Variants in ACSBG1 observed in about 807,000 individuals in gnomAD.
ACSBG1 encodes the protein long-chain-fatty-acid--CoA ligase ACSBG1.
A neutral mutation model predicts 80.2 loss-of-function variants in ACSBG1; 39 were observed. The observed-to-expected ratio is 0.49, with a 90% CI of 0.38 to 0.64. The LOEUF is 0.64. Ranked by LOEUF, ACSBG1 falls within the 30% of genes least tolerant of loss-of-function variation. The pLI, the probability that ACSBG1 is intolerant of heterozygous loss-of-function variation, is 0.00. For synonymous variants in ACSBG1, 392 were observed against 379.5 expected (o/e 1.03, Z -0.38); for missense variants, 828 against 966.4 (o/e 0.86, Z 1.90).
Position 78,182,625 on chromosome 15 carries a change from G to C in ACSBG1, c.745-10C>G. The C allele has an allele frequency of 6.2e-7, 1 of 1,613,928 alleles. No individual in the cohort carries two copies. The highest frequency in any genetic ancestry group is 8.5e-7 in the Non-Finnish European group (1 of 1,179,840). On this transcript the variant is annotated splice_polypyrimidine_tract_variant and intron_variant, in intron 6 of 13. Coordinates refer to ENST00000258873, the MANE Select transcript of ACSBG1 (RefSeq NM_015162.5). ...CCATGAATTCCTCCATCTGTAGCCA[G>C]ATGCAGGGAGCAGGCAGGCTAGGTC...
rs1482451363 is a variant in ACSBG1 at position 78,178,149 on chromosome 15, A to G, written c.1702+465T>C. 6.6e-6 allele frequency among the ~76,000 whole-genome samples: 1 copy of G among 152,142 alleles called. No individual in the cohort carries two copies. The highest frequency in any genetic ancestry group is 2.4e-5 in the African/African-American group (1 of 41,418). ...TAAGGTTAATAAGTACCTGCCCCAT[A>G]GGAGAGTGGAGTAAATAAAACGATG... On this transcript the variant is annotated intron_variant, in intron 11 of 13. Transcript: ENST00000258873. This position sits in a 1 kb window ranked among gnomAD's most constrained non-coding sequence, Gnocchi z 4.3.
At chr15:78,196,166 A>C (rs894299) in intron 2 of ACSBG1, among the ~76,000 whole-genome samples, 107,354 of 152,072 alleles carry the variant, frequency 0.71, 38,072 homozygotes, top group Admixed American at 0.79. Context: ...ATGGATGCCC[A>C]TGCCACTGGC....
chr15:78,201,727 A>C (rs538464264), intron 2 of ACSBG1, among the ~76,000 whole-genome samples: 48 of 152,358 alleles, frequency 3.2e-4, no homozygotes, highest in Admixed American at 7.2e-4. Context: ...TAGAAGAAGA[A>C]GTCTCTGGAC....
chr15:78,188,153 C>T (rs896067468), intron 5 of ACSBG1, among the ~76,000 whole-genome samples: 1 of 152,110 alleles, frequency 6.6e-6, no homozygotes, highest in Non-Finnish European at 1.5e-5. Flanking sequence ...GAAGTACAAA[C>T]CACTGCTCAA....
intron 5 of ACSBG1, among the ~76,000 whole-genome samples, chr15:78,185,831 T>C (rs893060337): frequency 3.3e-5 from 5 of 149,966 alleles, no homozygotes; most frequent in South Asian, 2.1e-4. Flanking sequence ...ATGATGCAAA[T>C]AGAAAACATT....
chr15:78,229,944 CA>C (rs2075432800), intron 1 of ACSBG1, among the ~76,000 whole-genome samples: 1 of 152,194 alleles, frequency 6.6e-6, no homozygotes, highest in Non-Finnish European at 1.5e-5. Flanking sequence ...AACATCTTCA[CA>C]ATCATGCCTT....
At chr15:78,190,146 C>T (rs763831826) in intron 5 of ACSBG1, among the ~76,000 whole-genome samples, 30 of 151,970 alleles carry the variant, frequency 2.0e-4, no homozygotes, top group Admixed American at 1.4e-3. Flanking sequence ...CAGTGGCTCA[C>T]GCCTGTAATC....
At chr15:78,193,413 G>T in intron 5 of ACSBG1, 93 bp downstream of exon 5, 1 of 1,517,792 alleles carries the variant, frequency 6.6e-7, no homozygotes, top group South Asian at 1.3e-5. Context: ...AGGACACTCT[G>T]GATGGAGGGC....
At chr15:78,215,301 G>A (rs931024460) in intron 1 of ACSBG1, among the ~76,000 whole-genome samples, 2 of 150,562 alleles carry the variant, frequency 1.3e-5, no homozygotes, top group South Asian at 2.1e-4. Context: ...CAAAAGAAAT[G>A]TCCTCAAATG....
At chr15:78,176,613 T>G (rs754059938) in intron 11 of ACSBG1, among the ~76,000 whole-genome samples, 5 of 152,134 alleles carry the variant, frequency 3.3e-5, no homozygotes, top group Non-Finnish European at 7.4e-5. Flanking sequence ...TAAGGAAAGA[T>G]GTGCAAAAAT....
chr15:78,224,386 A>AT (rs1190359440), intron 1 of ACSBG1, among the ~76,000 whole-genome samples: 1 of 152,210 alleles, frequency 6.6e-6, no homozygotes, highest in African/African-American at 2.4e-5. Flanking sequence ...GCAGCAATAG[A>AT]TAACTAGAAC....
At chr15:78,189,491 A>G (rs1360937208) in intron 5 of ACSBG1, among the ~76,000 whole-genome samples, 12 of 152,158 alleles carry the variant, frequency 7.9e-5, no homozygotes, top group Non-Finnish European at 1.5e-4. Context: ...CTATGCAGCC[A>G]TAAAAAATGA....
Position 78,234,353 on chromosome 15 carries a change from A to C in ACSBG1, c.131+18T>G, listed in dbSNP as rs1423994852. 1 of 1,607,248 alleles carries C rather than the reference A, an allele frequency of 6.2e-7. No individual in the cohort carries two copies. The highest frequency in any genetic ancestry group is 8.5e-7 in the Non-Finnish European group (1 of 1,179,822). On this transcript the variant is annotated intron_variant, in intron 1 of 13. Transcript: ENST00000258873. Reference sequence around the variant, plus strand: ...CGGCCCACAGGTGCAGTGTGCAGAAACCCAACCAATGACTTACCTGGTTTT... The same window carrying C: ...CGGCCCACAGGTGCAGTGTGCAGAACCCCAACCAATGACTTACCTGGTTTT...
intron 1 of ACSBG1, among the ~76,000 whole-genome samples, chr15:78,210,143 G>A (rs1210909434): frequency 2.6e-5 from 4 of 152,154 alleles, no homozygotes; most frequent in African/African-American, 4.8e-5. Context: ...CCAGTGCAGT[G>A]TCAAATTTCT....
At chr15:78,226,538 CA>C in intron 1 of ACSBG1, 1 of 182,578 alleles carries the variant, frequency 5.5e-6, no homozygotes, top group Non-Finnish European at 1.1e-5. Flanking sequence ...TTTGGAAGGC[CA>C]AGGTGGGAAG....
At chr15:78,191,682 G>A (rs1042232247) in intron 5 of ACSBG1, among the ~76,000 whole-genome samples, 8 of 152,212 alleles carry the variant, frequency 5.3e-5, no homozygotes, top group African/African-American at 1.7e-4. Context: ...AAAACCATCA[G>A]GAGAAAGGTT....
At chr15:78,233,397 G>A in intron 1 of ACSBG1, among the ~76,000 whole-genome samples, 1 of 152,200 alleles carries the variant, frequency 6.6e-6, no homozygotes, top group Admixed American at 6.5e-5. Flanking sequence ...GACAGGGGCT[G>A]TAGTCTTGGT....
At chr15:78,206,423 G>C (rs2141365303) in intron 2 of ACSBG1, among the ~76,000 whole-genome samples, 1 of 152,314 alleles carries the variant, frequency 6.6e-6, no homozygotes, top group Non-Finnish European at 1.5e-5. Context: ...TCAGACTGGG[G>C]GTTCTTTGAG....
At chr15:78,231,137 T>G (rs907752526) in intron 1 of ACSBG1, among the ~76,000 whole-genome samples, 1 of 152,144 alleles carries the variant, frequency 6.6e-6, no homozygotes, top group Admixed American at 6.5e-5. Flanking sequence ...TTTCTTTTTT[T>G]GAGACGGAGT....
Sources: allele counts gnomAD v4.1 joint callset (sites outside exome capture counted in the v4.1 genomes callset), GRCh38; gene constraint gnomAD v4.1.1; non-coding constraint Gnocchi (gnomAD v3.1); transcripts MANE v1.5; gene names NCBI Gene and HGNC (gene_info 2026-07-23, HGNC 2026-07-21).